GUCA1C: variants seen among roughly 807,000 people sequenced by gnomAD.
The protein encoded by GUCA1C is guanylate cyclase activator 1C, also known as guanylyl cyclase-activating protein 3.
GUCA1C carries 15 observed loss-of-function variants against 16.2 expected under a neutral mutation model. The ratio of observed to expected loss-of-function variants is 0.93; its 90% confidence interval spans 0.62 to 1.43. The LOEUF (loss-of-function observed/expected upper bound fraction) is 1.43, where lower values mean the gene tolerates loss of function less well. Among genes scored for constraint, GUCA1C ranks in the 40% most tolerant of loss-of-function variants. The probability of loss-of-function intolerance (pLI) is 0.00; values close to 1 mark genes in which losing one functional copy is unlikely to be tolerated. For synonymous variants in GUCA1C, 78 were observed against 85.4 expected (o/e 0.91, Z 0.48); for missense variants, 275 against 244.8 (o/e 1.12, Z -0.82).
chr3:108,920,277 G>C (rs1946556639), intron 2 of GUCA1C, among the ~76,000 whole-genome samples, 159 bp downstream of exon 2: 1 of 152,144 alleles, frequency 6.6e-6, no homozygotes, highest in African/African-American at 2.4e-5. Context: ...TGCCCATTCA[G>C]TAATCAATAG....
At chr3:108,911,976 G>A (rs4855673) in intron 3 of GUCA1C, among the ~76,000 whole-genome samples, 140,505 of 151,488 alleles carry the variant, frequency 0.93, 65,330 homozygotes, top group East Asian at 0.97. Context: ...CGTAGTGGTG[G>A]GTGACTGTAA....
chr3:108,939,771 G>C (rs1388859989), intron 1 of GUCA1C, among the ~76,000 whole-genome samples: 3 of 151,978 alleles, frequency 2.0e-5, no homozygotes, highest in African/African-American at 7.3e-5. Flanking sequence ...CTGTCACTTA[G>C]ACTGCGGTCT....
At chr3:108,944,106 T>C (rs1946818689) in intron 1 of GUCA1C, among the ~76,000 whole-genome samples, 1 of 152,178 alleles carries the variant, frequency 6.6e-6, no homozygotes, top group Non-Finnish European at 1.5e-5. Context: ...CTTCTTGAGA[T>C]AATTACTCCA....
intron 1 of GUCA1C, among the ~76,000 whole-genome samples, chr3:108,926,312 G>A (rs1480561260): frequency 6.6e-6 from 1 of 152,152 alleles, no homozygotes; most frequent in African/African-American, 2.4e-5. Flanking sequence ...AAGTTTATGT[G>A]AGTCCTTATT....
intron 1 of GUCA1C, among the ~76,000 whole-genome samples, chr3:108,952,141 G>T (rs368288237): frequency 1.3e-5 from 2 of 152,172 alleles, no homozygotes; most frequent in South Asian, 4.1e-4. Flanking sequence ...CTGATATTGG[G>T]CTGCTTATAG....
intron 3 of GUCA1C, among the ~76,000 whole-genome samples, chr3:108,912,806 C>T (rs1346597923): frequency 6.6e-6 from 1 of 151,472 alleles, no homozygotes; most frequent in Non-Finnish European, 1.5e-5. Flanking sequence ...TACATGACAT[C>T]TTCTTAGCAG....
At chr3:108,946,972 A>T (rs553902538) in intron 1 of GUCA1C, among the ~76,000 whole-genome samples, 1 of 152,008 alleles carries the variant, frequency 6.6e-6, no homozygotes, top group African/African-American at 2.4e-5. Flanking sequence ...ATTAGCAATT[A>T]TTAGTTAATA....
intron 1 of GUCA1C, among the ~76,000 whole-genome samples, chr3:108,942,329 G>T (rs1329562873): frequency 6.6e-6 from 1 of 152,152 alleles, no homozygotes; most frequent in Non-Finnish European, 1.5e-5. Flanking sequence ...TCTCCAGAAA[G>T]CCTTTCCTAA....
intron 1 of GUCA1C, among the ~76,000 whole-genome samples, chr3:108,923,025 GGTT>G (rs1214676149): frequency 6.6e-6 from 1 of 151,968 alleles, no homozygotes; most frequent in African/African-American, 2.4e-5. Context: ...GGGTTTGTTT[GGTT>G]TTTTCTTGTT....
chr3:108,949,204 G>A (rs1033219044), intron 1 of GUCA1C, among the ~76,000 whole-genome samples: 1 of 152,092 alleles, frequency 6.6e-6, no homozygotes, highest in African/African-American at 2.4e-5. Flanking sequence ...TTTTCTGTGA[G>A]TCTTATTAAT....
At chr3:108,941,451 C>T (rs534729273) in intron 1 of GUCA1C, among the ~76,000 whole-genome samples, 98 of 152,314 alleles carry the variant, frequency 6.4e-4, no homozygotes, top group Middle Eastern at 6.8e-3. Flanking sequence ...TTTTACCTCC[C>T]TCTGTAAAGA....
intron 1 of GUCA1C, among the ~76,000 whole-genome samples, chr3:108,924,929 A>T (rs960814312): frequency 2.0e-5 from 3 of 152,168 alleles, no homozygotes; most frequent in African/African-American, 7.2e-5. Context: ...AGGTGTTCAT[A>T]GCAGCCTTGA....
At chr3:108,938,676 C>T (rs192709100) in intron 1 of GUCA1C, among the ~76,000 whole-genome samples, 29 of 152,286 alleles carry the variant, frequency 1.9e-4, no homozygotes, top group African/African-American at 6.0e-4. Flanking sequence ...ATTGCTGGAA[C>T]GTCCTGATGA....
At chr3:108,910,221 G>A (rs150556232) in intron 3 of GUCA1C, among the ~76,000 whole-genome samples, 45 of 152,296 alleles carry the variant, frequency 3.0e-4, no homozygotes, top group East Asian at 1.9e-4. Context: ...CAGCAAGGCC[G>A]TGAGCGGTGG....
chr3:108,910,950 G>A (rs1038161634), intron 3 of GUCA1C, among the ~76,000 whole-genome samples: 3 of 151,934 alleles, frequency 2.0e-5, no homozygotes, highest in African/African-American at 7.2e-5. Context: ...GCACCCGGCC[G>A]ACACATTTCA....
At chr3:108,934,440 T>G (rs1244511740) in intron 1 of GUCA1C, among the ~76,000 whole-genome samples, 1 of 152,172 alleles carries the variant, frequency 6.6e-6, no homozygotes, top group Non-Finnish European at 1.5e-5. Context: ...GTTCAGCCAC[T>G]ACAGAAAGCA....
chr3:108,916,468 T>G (rs955957028), intron 2 of GUCA1C, among the ~76,000 whole-genome samples: 1 of 152,152 alleles, frequency 6.6e-6, no homozygotes, highest in Non-Finnish European at 1.5e-5. Flanking sequence ...ACATATTAGA[T>G]CACAACAGAT....
At chr3:108,922,962 A>C (rs1021713220) in intron 1 of GUCA1C, among the ~76,000 whole-genome samples, 3 of 152,104 alleles carry the variant, frequency 2.0e-5, no homozygotes, top group Non-Finnish European at 1.5e-5. Context: ...AGCTTCATCC[A>C]TGTCCCTGCA....
chr3:108,916,161 G>T lies in GUCA1C; in HGVS notation c.408C>A (p.Asn136Lys), dbSNP rs200317924. The T allele has an allele frequency of 8.1e-6, 13 of 1,612,944 alleles. No homozygotes were observed. In the South Asian group the frequency reaches 1.4e-4, roughly 18 times the overall value. ...QQTLSPEEFI[N>K]LVFHKIDINN... ...TTATATCGATCTTATGGAACACCAAGTTGATGAATTCTTCAGGACTCAGAG... is the reference window on the plus strand; with the variant it reads ...TTATATCGATCTTATGGAACACCAATTTGATGAATTCTTCAGGACTCAGAG... The change falls in exon 3 of 4, where the codon AAC becomes AAA. Residue 136 changes from asparagine to lysine, a missense_variant. Asn to Lys is a moderately conservative substitution (Grantham distance 94). Coordinates refer to ENST00000261047, the MANE Select transcript of GUCA1C (RefSeq NM_005459.4).
Sources: gnomAD v4.1 joint callset for allele counts (sites outside exome capture counted in the v4.1 genomes callset) on GRCh38, gnomAD v4.1.1 for gene constraint, MANE v1.5 for transcripts, NCBI Gene and HGNC (gene_info 2026-07-23, HGNC 2026-07-21) for gene names.